SLC4A10: variants seen among roughly 807,000 people sequenced by gnomAD.
The protein encoded by SLC4A10 is sodium-driven chloride bicarbonate exchanger.
SLC4A10 carries 42 observed loss-of-function variants against 137.7 expected under a neutral mutation model. That is an observed-to-expected ratio of 0.30 (90% CI 0.24 to 0.39). The LOEUF is 0.39. Ranked by LOEUF, SLC4A10 falls within the 10% of genes least tolerant of loss-of-function variation. SLC4A10 has a pLI of 1.00. For missense variants in SLC4A10, 925 were observed against 1,355.0 expected, an observed-to-expected ratio of 0.68 and a Z score of 4.98; for synonymous variants, 474 against 464.1, an observed-to-expected ratio of 1.02 and a Z score of -0.27.
intron 1 of SLC4A10, among the ~76,000 whole-genome samples, chr2:161,691,971 T>G (rs1446968596): frequency 6.6e-6 from 1 of 152,064 alleles, no homozygotes; most frequent in African/African-American, 2.4e-5. Flanking sequence ...GGTGTCCATG[T>G]GAAGTAGTGT....
chr2:161,871,718 T>C (rs1398811696), intron 6 of SLC4A10, among the ~76,000 whole-genome samples: 2 of 152,140 alleles, frequency 1.3e-5, no homozygotes, highest in African/African-American at 2.4e-5. Flanking sequence ...CATAAAATCA[T>C]ATCCATAGTG....
At chr2:161,982,917 G>A (rs1700415206) in intron 26 of SLC4A10, among the ~76,000 whole-genome samples, 1 of 152,146 alleles carries the variant, frequency 6.6e-6, no homozygotes, top group Non-Finnish European at 1.5e-5. Flanking sequence ...GCATGTTTTT[G>A]GAACTGTTTA....
intron 1 of SLC4A10, among the ~76,000 whole-genome samples, chr2:161,663,452 C>A (rs1041731114): frequency 4.0e-5 from 6 of 151,896 alleles, no homozygotes; most frequent in African/African-American, 1.2e-4. Context: ...ATCGCTTTAC[C>A]TTTTAAAGGC....
intron 1 of SLC4A10, among the ~76,000 whole-genome samples, chr2:161,696,342 A>T (rs1310200094): frequency 6.7e-6 from 1 of 148,796 alleles, no homozygotes; most frequent in South Asian, 2.1e-4. Context: ...TTTAGGGTAC[A>T]TGTGCACAAT....
Position 161,984,867 on chromosome 2 carries a change from C to T in SLC4A10, c.*1715C>T, listed in dbSNP as rs1336313810. ...TTGTTTTATGATTTAGCCAGTGATT[C>T]CCCAAAGCAGCCTCTTAGTGTTTTA... On this transcript the variant is annotated 3_prime_UTR_variant, in exon 27 of 27. Coordinates refer to ENST00000446997, the MANE Select transcript of SLC4A10 (RefSeq NM_001178015.2). 6.6e-6 allele frequency: 1 copy of T among 151,932 alleles called. No individual in the cohort carries two copies. The highest frequency in any genetic ancestry group is 2.4e-5 in the African/African-American group (1 of 41,404). 9.4% of individuals were successfully genotyped at this position (151,932 alleles called of 1,614,324 possible).
At chr2:161,960,705 G>A (rs1696533596) in intron 21 of SLC4A10, among the ~76,000 whole-genome samples, 1 of 150,950 alleles carries the variant, frequency 6.6e-6, no homozygotes, top group Admixed American at 6.6e-5. Context: ...GGACGACAGA[G>A]GGATACTCTG....
intron 26 of SLC4A10, among the ~76,000 whole-genome samples, chr2:161,982,750 G>A (rs1321415826): frequency 1.3e-5 from 2 of 152,132 alleles, no homozygotes; most frequent in East Asian, 3.9e-4. Context: ...ATGCACAAGG[G>A]AGGAGCCATT....
chr2:161,659,323 G>T (rs2037982233), intron 1 of SLC4A10, among the ~76,000 whole-genome samples: 1 of 152,144 alleles, frequency 6.6e-6, no homozygotes. Context: ...CTTATAATTG[G>T]GAACTAAATA....
At chr2:161,916,013 C>T (rs1341539301) in intron 15 of SLC4A10, among the ~76,000 whole-genome samples, 1 of 152,104 alleles carries the variant, frequency 6.6e-6, no homozygotes, top group East Asian at 1.9e-4. Flanking sequence ...TGTGAGGACA[C>T]AGCAAGGGAG....
intron 1 of SLC4A10, among the ~76,000 whole-genome samples, chr2:161,734,538 A>G (rs865818967): frequency 6.6e-6 from 1 of 152,042 alleles, no homozygotes; most frequent in African/African-American, 2.4e-5. Flanking sequence ...TGTTTTTATC[A>G]GCAGCATGAA....
chr2:161,743,786 T>C (rs2048149142), intron 1 of SLC4A10, among the ~76,000 whole-genome samples: 1 of 152,166 alleles, frequency 6.6e-6, no homozygotes, highest in Non-Finnish European at 1.5e-5. Context: ...CATCTTTCCA[T>C]TTTGTGTGTG....
rs190723118 is a variant in SLC4A10 at position 161,900,626 on chromosome 2, C to T, written c.1342-285C>T. ...ATTACAATGAATGGCATACACTAGG[C>T]ACTCAGTTTTAGTTGAAAGAATAAA... On this transcript the variant is annotated intron_variant, in intron 11 of 26. Coordinates refer to ENST00000446997, the MANE Select transcript of SLC4A10 (RefSeq NM_001178015.2). 1.2e-3 allele frequency among the ~76,000 whole-genome samples: 185 copies of T among 152,204 alleles called. 1 individual carries two copies. The highest frequency in any genetic ancestry group is 3.4e-3 in the Middle Eastern group (1 of 294).
chr2:161,967,783 C>T (rs1270364217), intron 23 of SLC4A10, among the ~76,000 whole-genome samples: 1 of 151,992 alleles, frequency 6.6e-6, no homozygotes, highest in East Asian at 1.9e-4. Context: ...AGGAATTTAA[C>T]TCTTGTTTAT....
rs147556502 is a variant in SLC4A10, at chr2:161,638,188, C to G, written c.48+13622C>G. Among the ~76,000 whole-genome samples the G allele has an allele frequency of 1.4e-3, 216 of 152,126 alleles. 2 individuals are homozygous for G. The highest frequency in any genetic ancestry group is 9.1e-3 in the South Asian group (44 of 4,822). ...GTTGCCTGTGCTTTTGAGGTCTTAT[C>G]CAGAAAATCCTTGCCCAGACCAATA... On this transcript the variant is annotated intron_variant, in intron 1 of 26. Coordinates refer to ENST00000446997, the MANE Select transcript of SLC4A10 (RefSeq NM_001178015.2).
At chr2:161,982,676 C>T (rs974684816) in intron 26 of SLC4A10, among the ~76,000 whole-genome samples, 3 of 152,124 alleles carry the variant, frequency 2.0e-5, no homozygotes, top group African/African-American at 4.8e-5. Context: ...GTCCTCCAGG[C>T]CAGTGGAGCT....
intron 3 of SLC4A10, among the ~76,000 whole-genome samples, chr2:161,817,612 A>AG (rs1559317925): frequency 2.0e-5 from 3 of 152,000 alleles, no homozygotes; most frequent in Admixed American, 1.3e-4. Context: ...TTATGGTTTT[A>AG]GTCTAACATG....
intron 3 of SLC4A10, among the ~76,000 whole-genome samples, chr2:161,830,595 T>C (rs925949600): frequency 6.6e-6 from 1 of 152,074 alleles, no homozygotes; most frequent in African/African-American, 2.4e-5. Context: ...TGATGAGATA[T>C]ATTTTATTAC....
At chr2:161,754,516 G>A (rs181168945) in intron 1 of SLC4A10, among the ~76,000 whole-genome samples, 10 of 152,192 alleles carry the variant, frequency 6.6e-5, no homozygotes, top group African/African-American at 1.9e-4. Flanking sequence ...CTTCTTCAAG[G>A]CAGAAAAGGA....
chr2:161,788,024 A>G (rs2125515227), intron 2 of SLC4A10, among the ~76,000 whole-genome samples: 1 of 152,124 alleles, frequency 6.6e-6, no homozygotes, highest in Admixed American at 6.6e-5. Context: ...CATGCGAAGG[A>G]GTTGTTGCTT....
Sources: allele counts gnomAD v4.1 joint callset (sites outside exome capture counted in the v4.1 genomes callset), GRCh38; gene constraint gnomAD v4.1.1; transcripts MANE v1.5; gene names NCBI Gene and HGNC (gene_info 2026-07-23, HGNC 2026-07-21).